MIPOL1: variants seen among roughly 807,000 people sequenced by gnomAD.
MIPOL1 encodes mirror-image polydactyly 1.
A neutral mutation model predicts 60.9 loss-of-function variants in MIPOL1; 57 were observed. The observed-to-expected ratio is 0.94, with a 90% confidence interval of 0.76 to 1.17. MIPOL1 has a LOEUF of 1.17. MIPOL1 is among the 50% of genes most tolerant of loss of function. MIPOL1 has a pLI of 0.00. For missense variants in MIPOL1, 551 were observed against 511.6 expected (o/e 1.08, Z -0.74); for synonymous variants, 179 against 168.8 (o/e 1.06, Z -0.47).
chr14:37,540,621 C>T (rs1403713980), intron 12 of MIPOL1, among the ~76,000 whole-genome samples: 2 of 152,152 alleles, frequency 1.3e-5, no homozygotes, highest in African/African-American at 2.4e-5. Flanking sequence ...ATCTTTCCCT[C>T]CTTCTGCTTT....
chr14:37,271,594 A>C (rs888306876), intron 6 of MIPOL1, among the ~76,000 whole-genome samples: 1 of 151,856 alleles, frequency 6.6e-6, no homozygotes, highest in Non-Finnish European at 1.5e-5. Flanking sequence ...AACTACCGTA[A>C]TGTTTTTATT....
At chr14:37,266,859 A>C in intron 3 of MIPOL1, 79 bp from the exon 4 acceptor site, 1 of 988,460 alleles carries the variant, frequency 1.0e-6, no homozygotes, top group Non-Finnish European at 1.5e-6. Flanking sequence ...TGTTTCCAAA[A>C]ATATTTATTT....
chr14:37,340,934 T>G (rs2090524212), intron 9 of MIPOL1, among the ~76,000 whole-genome samples: 1 of 152,130 alleles, frequency 6.6e-6, no homozygotes, highest in Non-Finnish European at 1.5e-5. Context: ...TTATACCATA[T>G]TTTCATACCT....
intron 9 of MIPOL1, among the ~76,000 whole-genome samples, chr14:37,326,847 G>A (rs555572613): frequency 1.6e-4 from 25 of 152,270 alleles, no homozygotes; most frequent in Admixed American, 2.6e-4. Context: ...GAGCACTCAC[G>A]TGAAACACAA....
chr14:37,508,350 C>T (rs1392241143), intron 12 of MIPOL1, among the ~76,000 whole-genome samples: 1 of 152,062 alleles, frequency 6.6e-6, no homozygotes, highest in Non-Finnish European at 1.5e-5. Flanking sequence ...TTTTTCAATT[C>T]CCATTTACTC....
At chr14:37,479,366 T>A (rs1030930009) in intron 11 of MIPOL1, among the ~76,000 whole-genome samples, 2 of 152,124 alleles carry the variant, frequency 1.3e-5, no homozygotes, top group Non-Finnish European at 2.9e-5. Flanking sequence ...CACGTTAGTA[T>A]GAACCCTAGA....
intron 9 of MIPOL1, among the ~76,000 whole-genome samples, chr14:37,316,699 A>G (rs1280116694): frequency 6.6e-6 from 1 of 151,764 alleles, no homozygotes; most frequent in Non-Finnish European, 1.5e-5. Flanking sequence ...TTTCAGGGAT[A>G]AAAAAGATAA....
intron 3 of MIPOL1, among the ~76,000 whole-genome samples, chr14:37,261,919 G>A (rs78223741): frequency 0.039 from 5,985 of 152,060 alleles, 274 homozygotes; most frequent in African/African-American, 0.11. Flanking sequence ...GGTTCTGCTT[G>A]GAAGGTCTAA....
At chr14:37,250,796 A>G (rs1973957704) in intron 3 of MIPOL1, among the ~76,000 whole-genome samples, 1 of 152,088 alleles carries the variant, frequency 6.6e-6, no homozygotes, top group Admixed American at 6.6e-5. Context: ...AGTTAATTAA[A>G]ACTTGTATTA....
At chr14:37,494,435 C>T (rs2095088720) in intron 11 of MIPOL1, among the ~76,000 whole-genome samples, 1 of 152,154 alleles carries the variant, frequency 6.6e-6, no homozygotes, top group Admixed American at 6.5e-5. Context: ...ATAAGTAAGA[C>T]TTTGTCAGGT....
intron 10 of MIPOL1, chr14:37,401,940 G>A (rs1201307162): frequency 2.0e-5 from 3 of 152,096 alleles, no homozygotes; most frequent in Non-Finnish European, 4.4e-5. Context: ...ATAGGAGTAG[G>A]AGTATGGATA....
intron 11 of MIPOL1, among the ~76,000 whole-genome samples, chr14:37,484,180 T>G (rs1302100223): frequency 1.3e-5 from 2 of 152,202 alleles, no homozygotes; most frequent in Non-Finnish European, 2.9e-5. Context: ...TTCATTTATG[T>G]GGGTTTTCCC....
chr14:37,286,952 T>G (rs1006474210), intron 7 of MIPOL1, among the ~76,000 whole-genome samples: 1 of 152,102 alleles, frequency 6.6e-6, no homozygotes, highest in Non-Finnish European at 1.5e-5. Flanking sequence ...TGGATAAAAA[T>G]CAATTCATTC....
At chr14:37,536,125 T>C (rs1408399329) in intron 12 of MIPOL1, among the ~76,000 whole-genome samples, 1 of 152,194 alleles carries the variant, frequency 6.6e-6, no homozygotes, top group Non-Finnish European at 1.5e-5. Context: ...TAGATTTGAT[T>C]AATTTTGAAG....
chr14:37,237,819 G>A (rs1971725286), intron 1 of MIPOL1, among the ~76,000 whole-genome samples: 1 of 152,274 alleles, frequency 6.6e-6, no homozygotes, highest in African/African-American at 2.4e-5. Flanking sequence ...GAGAATCTGT[G>A]TAGTTGAACT....
rs531546299 is a variant in MIPOL1 at position 37,322,281 on chromosome 14, C to T, written c.828+13762C>T. Among the ~76,000 whole-genome samples the T allele has an allele frequency of 1.1e-4, 17 of 152,104 alleles. No homozygotes were observed. In the East Asian group the frequency reaches 2.7e-3, roughly 24 times the overall value. ...GCATACAACTGTATAGTTACCACCACGATCAAGATGCAGAACATTACTACA... is the reference window on the plus strand; with the variant it reads ...GCATACAACTGTATAGTTACCACCATGATCAAGATGCAGAACATTACTACA... On this transcript the variant is annotated intron_variant, in intron 9 of 12. Coordinates refer to ENST00000684589, the MANE Select transcript of MIPOL1 (RefSeq NM_001388067.1).
chr14:37,285,044 G>A (rs1180037396), intron 6 of MIPOL1, among the ~76,000 whole-genome samples: 1 of 152,160 alleles, frequency 6.6e-6, no homozygotes, highest in Non-Finnish European at 1.5e-5. Flanking sequence ...TCTGCAATAT[G>A]TGTGAGAGTT....
chr14:37,524,293 G>A (rs1225598274), intron 12 of MIPOL1, among the ~76,000 whole-genome samples: 4 of 152,196 alleles, frequency 2.6e-5, no homozygotes, highest in Admixed American at 2.0e-4. Context: ...TTGGATGTGG[G>A]GTGGGGGAGA....
chr14:37,314,713 T>C (rs2153439460), intron 9 of MIPOL1, among the ~76,000 whole-genome samples: 1 of 152,276 alleles, frequency 6.6e-6, no homozygotes, highest in South Asian at 2.1e-4. Flanking sequence ...AGTTAATTGA[T>C]TTTATGCCTG....
Sources: allele counts gnomAD v4.1 joint callset (sites outside exome capture counted in the v4.1 genomes callset), GRCh38; gene constraint gnomAD v4.1.1; transcripts MANE v1.5; gene names NCBI Gene and HGNC (gene_info 2026-07-23, HGNC 2026-07-21).